FAM222A: variants seen among roughly 807,000 people sequenced by gnomAD.
FAM222A encodes family with sequence similarity 222 member A, also known as protein FAM222A.
A neutral mutation model predicts 25.8 loss-of-function variants in FAM222A; 7 were observed. The ratio of observed to expected loss-of-function variants is 0.27; its 90% CI spans 0.15 to 0.51. The LOEUF (loss-of-function observed/expected upper bound fraction) is 0.51, where lower values mean the gene tolerates loss of function less well. Ranked by LOEUF, FAM222A falls within the 20% of genes least tolerant of loss-of-function variation. FAM222A has a pLI of 0.97. For missense variants in FAM222A, 573 were observed against 640.5 expected (o/e 0.89, Z 1.14); for synonymous variants, 294 against 298.8 (o/e 0.98, Z 0.17).
intron 2 of FAM222A, among the ~76,000 whole-genome samples, chr12:109,754,212 AGC>A (rs1888644967): frequency 6.6e-6 from 1 of 152,226 alleles, no homozygotes; most frequent in African/African-American, 2.4e-5. Flanking sequence ...TGGCCAGCAC[AGC>A]TAAGCTAGGA....
At chr12:109,719,988 C>G in intron 1 of FAM222A, 2 of 584,520 alleles carry the variant, frequency 3.4e-6, no homozygotes, top group Non-Finnish European at 4.3e-6. Context: ...TTTTACCCCT[C>G]TGTGCCTCAG....
chr12:109,728,094 T>A (rs567124648), intron 1 of FAM222A, among the ~76,000 whole-genome samples: 2 of 152,280 alleles, frequency 1.3e-5, no homozygotes, highest in East Asian at 3.9e-4. Context: ...AGTGCTGAGC[T>A]TGGTACCTAA....
chr12:109,716,744 G>T (rs966890955), intron 1 of FAM222A, among the ~76,000 whole-genome samples: 1 of 152,252 alleles, frequency 6.6e-6, no homozygotes, highest in Non-Finnish European at 1.5e-5. Context: ...CAAGGCAGAG[G>T]GAAAGGCTGT....
intron 1 of FAM222A, among the ~76,000 whole-genome samples, chr12:109,743,228 A>G (rs1361416225): frequency 6.6e-6 from 1 of 151,928 alleles, no homozygotes; most frequent in Non-Finnish European, 1.5e-5. Flanking sequence ...AGGCAGGCCC[A>G]CTCTGACCCT....
intron 1 of FAM222A, among the ~76,000 whole-genome samples, chr12:109,743,162 G>A (rs1469765176): frequency 6.6e-6 from 1 of 152,148 alleles, no homozygotes; most frequent in Non-Finnish European, 1.5e-5. Flanking sequence ...TTAGCAAGAA[G>A]GGAGGAAGGG....
intron 1 of FAM222A, among the ~76,000 whole-genome samples, chr12:109,731,545 C>A (rs1453287066): frequency 1.3e-5 from 2 of 152,172 alleles, no homozygotes; most frequent in Non-Finnish European, 2.9e-5. Flanking sequence ...AGGCATGGCA[C>A]CCGGCACACA....
intron 1 of FAM222A, among the ~76,000 whole-genome samples, chr12:109,723,964 A>AC (rs1244592077): frequency 6.6e-6 from 1 of 151,546 alleles, no homozygotes. Flanking sequence ...TTTTCTCCCC[A>AC]CCCCACAAAC....
chr12:109,735,540 G>A (rs1888062488), intron 1 of FAM222A: 1 of 152,208 alleles, frequency 6.6e-6, no homozygotes, highest in Non-Finnish European at 1.5e-5. Flanking sequence ...GGAATAGGTG[G>A]GAGGAAGGCT....
intron 2 of FAM222A, 62 bp downstream of exon 2, chr12:109,744,290 C>A: frequency 6.5e-7 from 1 of 1,547,790 alleles, no homozygotes; most frequent in South Asian, 1.2e-5. Context: ...GCCATTCACC[C>A]CCCAGGATGT....
chr12:109,755,287 C>CTTTTTTTTTT (rs540689300), intron 2 of FAM222A, among the ~76,000 whole-genome samples: 5 of 49,384 alleles, frequency 1.0e-4, no homozygotes, highest in Non-Finnish European at 1.4e-4. Flanking sequence ...TGTAATTCTT[C>CTTTTTTTTTT]TTTTTTTTTT....
chr12:109,721,817 C>G (rs1887753183), intron 1 of FAM222A, among the ~76,000 whole-genome samples: 2 of 152,194 alleles, frequency 1.3e-5, no homozygotes, highest in Admixed American at 1.3e-4. Flanking sequence ...TTTAGTTCTT[C>G]CTGAGAGCTA....
In FAM222A at chr12:109,754,972, G is replaced by A. The variant is rs550341592; in HGVS notation, c.82+10744G>A. Among the ~76,000 whole-genome samples, 21 of 152,184 alleles carry A rather than the reference G, an allele frequency of 1.4e-4. No homozygotes were observed. In the South Asian group the frequency reaches 3.9e-3, roughly 29 times the overall value. On this transcript the variant is annotated intron_variant, in intron 2 of 2. Transcript: ENST00000538780. Reference sequence around the variant, plus strand: ...AGGCATGAGCCACTGCGTCTAGCCTGTCCATTTTTAAATTCAGCAATTTGT... The same window carrying A: ...AGGCATGAGCCACTGCGTCTAGCCTATCCATTTTTAAATTCAGCAATTTGT...
At chr12:109,721,333 C>T (rs1017667347) in intron 1 of FAM222A, among the ~76,000 whole-genome samples, 5 of 152,214 alleles carry the variant, frequency 3.3e-5, no homozygotes, top group Admixed American at 2.6e-4. Flanking sequence ...ATGAGCTTCA[C>T]GACCTTCAGC....
chr12:109,755,924 T>C (rs1888714040), intron 2 of FAM222A, among the ~76,000 whole-genome samples: 1 of 152,262 alleles, frequency 6.6e-6, no homozygotes, highest in South Asian at 2.1e-4. Context: ...AACTTTGTCC[T>C]CTTCCTTCAA....
At chr12:109,744,334 G>A in intron 2 of FAM222A, 106 bp downstream of exon 2, 1 of 1,462,698 alleles carries the variant, frequency 6.8e-7, no homozygotes, top group Non-Finnish European at 9.0e-7. Flanking sequence ...AAGTCTCTAT[G>A]CTCTCTTAGG....
At chr12:109,749,401 C>T (rs1212141230) in intron 2 of FAM222A, among the ~76,000 whole-genome samples, 3 of 152,316 alleles carry the variant, frequency 2.0e-5, no homozygotes, top group African/African-American at 7.2e-5. Flanking sequence ...CCACCACGCC[C>T]AGCCTTGTGT....
intron 1 of FAM222A, among the ~76,000 whole-genome samples, chr12:109,719,733 A>G (rs1487026057): frequency 6.6e-6 from 1 of 151,448 alleles, no homozygotes; most frequent in Non-Finnish European, 1.5e-5. Context: ...GGGCAGGGGG[A>G]GCTTATAAGA....
intron 1 of FAM222A, among the ~76,000 whole-genome samples, chr12:109,739,038 C>T (rs1258082237): frequency 6.6e-6 from 1 of 152,254 alleles, no homozygotes; most frequent in African/African-American, 2.4e-5. Context: ...ACCTTCCCCT[C>T]CAGGTCACAG....
chr12:109,720,411 G>C (rs1887726635), intron 1 of FAM222A, among the ~76,000 whole-genome samples: 1 of 152,256 alleles, frequency 6.6e-6, no homozygotes, highest in South Asian at 2.1e-4. Flanking sequence ...GGCACGGGCA[G>C]CTGCCTCACA....
Sources: allele counts gnomAD v4.1 joint callset (sites outside exome capture counted in the v4.1 genomes callset), GRCh38; gene constraint gnomAD v4.1.1; transcripts MANE v1.5; gene names NCBI Gene and HGNC (gene_info 2026-07-23, HGNC 2026-07-21).